The following MYO5A variants were observed in gnomAD, a reference collection of about 807,000 sequenced individuals.
The protein encoded by MYO5A is unconventional myosin-Va.
MYO5A carries 98 observed loss-of-function variants against 249.7 expected under a neutral mutation model. The ratio of observed to expected loss-of-function variants is 0.39; its 90% CI spans 0.33 to 0.46. The LOEUF (loss-of-function observed/expected upper bound fraction) is 0.46, where lower values mean the gene tolerates loss of function less well. MYO5A is among the 20% of genes least tolerant of loss of function. MYO5A has a pLI of 0.98. For synonymous variants in MYO5A, 778 were observed against 810.6 expected (o/e 0.96, Z 0.68); for missense variants, 1,696 against 2,308.8 (o/e 0.73, Z 5.44).
chr15:52,361,283 G>A (rs748524058), intron 24 of MYO5A, among the ~76,000 whole-genome samples: 7 of 152,160 alleles, frequency 4.6e-5, no homozygotes, highest in Non-Finnish European at 8.8e-5. Flanking sequence ...ACAGTTGTAG[G>A]AATGGCATTT....
intron 36 of MYO5A, among the ~76,000 whole-genome samples, chr15:52,324,569 A>AT (rs905849902): frequency 8.6e-5 from 13 of 151,314 alleles, no homozygotes; most frequent in Non-Finnish European, 1.3e-4. Context: ...TTAGAAGCTA[A>AT]TTTTTTTTTG....
chr15:52,380,022 A>G, intron 16 of MYO5A, 114 bp from the exon 17 acceptor site: 5 of 1,037,992 alleles, frequency 4.8e-6, no homozygotes, highest in Non-Finnish European at 7.4e-6. Context: ...ATAAATCAGA[A>G]AAGAAAGCTT....
chr15:52,446,842 G>C (rs2075901947), intron 1 of MYO5A, among the ~76,000 whole-genome samples: 1 of 152,202 alleles, frequency 6.6e-6, no homozygotes, highest in South Asian at 2.1e-4. Flanking sequence ...TTTCAAACTT[G>C]TCTGTAGCCC....
intron 24 of MYO5A, among the ~76,000 whole-genome samples, chr15:52,362,099 C>T (rs1166988523): frequency 3.3e-5 from 5 of 152,150 alleles, no homozygotes; most frequent in Non-Finnish European, 7.3e-5. Context: ...CCTGGACAAC[C>T]GAATGTTCTT....
intron 27 of MYO5A, among the ~76,000 whole-genome samples, chr15:52,353,173 A>AT (rs1210997335): frequency 6.6e-6 from 1 of 152,208 alleles, no homozygotes. Context: ...TCCAGGGACC[A>AT]TATTTTGAGA....
intron 4 of MYO5A, 97 bp downstream of exon 4, chr15:52,425,733 C>G (rs2075380602): frequency 7.4e-7 from 1 of 1,358,776 alleles, no homozygotes; most frequent in African/African-American, 1.4e-5. Flanking sequence ...TAATTATTTA[C>G]AAGGTTGCCA....
intron 7 of MYO5A, among the ~76,000 whole-genome samples, 179 bp from the exon 8 acceptor site, chr15:52,407,578 A>T: frequency 6.6e-6 from 1 of 152,122 alleles, no homozygotes; most frequent in East Asian, 1.9e-4. Flanking sequence ...AAATTTAATT[A>T]AATAAATGGG....
chr15:52,382,407 A>C (rs1190666859), intron 16 of MYO5A, among the ~76,000 whole-genome samples: 1 of 152,058 alleles, frequency 6.6e-6, no homozygotes, highest in Admixed American at 6.6e-5. Flanking sequence ...CCCTGTCTCT[A>C]CTAAAAATAG....
chr15:52,422,708 T>C (rs2075306122), intron 4 of MYO5A, among the ~76,000 whole-genome samples: 1 of 152,148 alleles, frequency 6.6e-6, no homozygotes, highest in Admixed American at 6.6e-5. Context: ...CTAATTTTTT[T>C]GTAACTTTAC....
Position 52,323,453 on chromosome 15 carries a change from G to A in MYO5A, c.4711-9C>T. 1 of 1,607,376 alleles carries A rather than the reference G, an allele frequency of 6.2e-7. No homozygotes were observed. On this transcript the variant is annotated splice_polypyrimidine_tract_variant and intron_variant, in intron 36 of 41. Transcript: ENST00000399233. Reference sequence around the variant, plus strand: ...AAATCATCACCTCTTTTCTGAAAGAGAGAATAAGTCTAAACTTGCCTTTTC... The same window carrying A: ...AAATCATCACCTCTTTTCTGAAAGAAAGAATAAGTCTAAACTTGCCTTTTC...
At chr15:52,481,474 G>A (rs1185133753) in intron 1 of MYO5A, among the ~76,000 whole-genome samples, 1 of 152,154 alleles carries the variant, frequency 6.6e-6, no homozygotes, top group Admixed American at 6.5e-5. Context: ...CTGATGAGAT[G>A]GACACACACA....
chr15:52,495,984 T>C (rs2077030028), intron 1 of MYO5A, among the ~76,000 whole-genome samples: 1 of 151,348 alleles, frequency 6.6e-6, no homozygotes, highest in South Asian at 2.1e-4. Context: ...CTAATGTAAA[T>C]GATGAGTTAA....
At chr15:52,421,298 A>G (rs2043779572) in intron 4 of MYO5A, among the ~76,000 whole-genome samples, 1 of 152,188 alleles carries the variant, frequency 6.6e-6, no homozygotes, top group Non-Finnish European at 1.5e-5. Flanking sequence ...ACCCTAAGGA[A>G]GGGCCTGGTA....
chr15:52,408,889 T>C (rs908557188), intron 6 of MYO5A, among the ~76,000 whole-genome samples: 1 of 152,132 alleles, frequency 6.6e-6, no homozygotes, highest in Non-Finnish European at 1.5e-5. Flanking sequence ...AAACCTATTA[T>C]AGGGACAGAA....
chr15:52,341,256 G>A (rs974230833), intron 31 of MYO5A, among the ~76,000 whole-genome samples: 76 of 152,162 alleles, frequency 5.0e-4, no homozygotes, highest in African/African-American at 1.5e-3. Context: ...AGATTTACCC[G>A]AATCCACACA....
At chr15:52,373,343 T>TA (rs2041230143) in intron 20 of MYO5A, among the ~76,000 whole-genome samples, 1 of 152,180 alleles carries the variant, frequency 6.6e-6, no homozygotes, top group African/African-American at 2.4e-5. Context: ...ACTGGATAAA[T>TA]AAAACTATTA....
At chr15:52,499,317 T>C (rs2077105366) in intron 1 of MYO5A, among the ~76,000 whole-genome samples, 1 of 152,230 alleles carries the variant, frequency 6.6e-6, no homozygotes, top group African/African-American at 2.4e-5. Flanking sequence ...TTTTTATTAT[T>C]ATTTTTAATT....
At position 52,418,534 on chromosome 15, in the gene MYO5A, G is replaced by A. The variant is rs1395567064; in HGVS notation, c.456-2233C>T. Reference sequence around the variant, plus strand: ...AAGGAAGGGTATGGAACCAGTAGGAGATGTGAGGAGGAGATGTCAGGAAAG... The same window carrying A: ...AAGGAAGGGTATGGAACCAGTAGGAAATGTGAGGAGGAGATGTCAGGAAAG... On this transcript the variant is annotated intron_variant, in intron 4 of 41. Coordinates refer to ENST00000399233, the MANE Select transcript of MYO5A (RefSeq NM_001382347.1). Among the ~76,000 whole-genome samples, 4 of 152,162 alleles carry A rather than the reference G, an allele frequency of 2.6e-5. No individual in the cohort carries two copies. In the East Asian group the frequency reaches 5.8e-4, roughly 22 times the overall value.
chr15:52,507,804 C>CAAAAAAAAAAAA (rs57445300), intron 1 of MYO5A, among the ~76,000 whole-genome samples: 1 of 102,966 alleles, frequency 9.7e-6, no homozygotes, highest in African/African-American at 3.4e-5. Context: ...ACCCTGTCCC[C>CAAAAAAAAAAAA]AAAAAAAAAA....
Sources: gnomAD v4.1 joint callset for allele counts (sites outside exome capture counted in the v4.1 genomes callset) on GRCh38, gnomAD v4.1.1 for gene constraint, MANE v1.5 for transcripts, NCBI Gene and HGNC (gene_info 2026-07-23, HGNC 2026-07-21) for gene names.